GJB1: variants seen among roughly 807,000 people sequenced by gnomAD.
GJB1 encodes gap junction protein beta 1.
GJB1 carries 1 observed loss-of-function variant against 12.0 expected under a neutral mutation model. That is an observed-to-expected ratio of 0.08 (90% confidence interval 0.03 to 0.40). GJB1 has a LOEUF of 0.40. Among genes scored for constraint, GJB1 ranks in the 10% least tolerant of loss-of-function variants. The pLI, the probability that GJB1 is intolerant of heterozygous loss-of-function variation, is 0.98. For missense variants in GJB1, 140 were observed against 250.3 expected (o/e 0.56, Z 2.97); for synonymous variants, 114 against 102.8 (o/e 1.11, Z -0.66).
At chrX:71,219,773 C>CAAAAAA (rs41477550), upstream of GJB1, among the ~76,000 whole-genome samples, 1 of 22,056 alleles carries the variant, frequency 4.5e-5, no homozygotes, top group Non-Finnish European at 6.9e-5. Flanking sequence ...GACTCCCTCT[C>CAAAAAA]AAAAAAAAAA....
At position 71,223,698 on chromosome X, in the gene GJB1, A is replaced by T; in HGVS notation, c.-10A>T. The T allele has an allele frequency of 8.3e-7, 1 of 1,209,836 alleles. No individual in the cohort carries two copies. The highest frequency in any genetic ancestry group is 1.1e-6 in the Non-Finnish European group (1 of 894,856). ...CATGGCTGGTGTTTTGCAGGTGTGA[A>T]TGAGGCAGGATGAACTGGACAGGTT... On this transcript the variant is annotated 5_prime_UTR_variant, in exon 2 of 2. An upstream start codon of the reference 5' UTR is lost. Transcript: ENST00000361726.
upstream of GJB1, among the ~76,000 whole-genome samples, chrX:71,220,730 C>T (rs1262272396): frequency 1.0e-5 from 1 of 97,956 alleles, no homozygotes; most frequent in Non-Finnish European, 2.0e-5. Flanking sequence ...TGGACTTGAA[C>T]CCCTCAGTGA....
In GJB1 at chrX:71,224,855, A is replaced by T; in HGVS notation, c.*296A>T. 4 of 410,776 alleles carry T rather than the reference A, an allele frequency of 9.7e-6. No individual in the cohort carries two copies. The highest frequency in any genetic ancestry group is 1.8e-5 in the Non-Finnish European group (4 of 227,022). The allele number at this position is 410,776 out of a possible 1,213,427, so 33.9% of individuals were successfully genotyped here. A position where few individuals can be genotyped will look rare whatever the true frequency, so the allele number is the denominator to read the frequency against. On this transcript the variant is annotated 3_prime_UTR_variant, in exon 2 of 2. Coordinates refer to ENST00000361726, the MANE Select transcript of GJB1 (RefSeq NM_000166.6). ...GGGACCACTGGGTACAAGAGATGGGATGCTCCGACAGCGTCTCCAATTATG... is the reference window on the plus strand; with the variant it reads ...GGGACCACTGGGTACAAGAGATGGGTTGCTCCGACAGCGTCTCCAATTATG...
Position 71,224,406 on chromosome X carries a change from G to T in GJB1, c.699G>T (p.Ser233=), listed in dbSNP as rs769112084. The change falls in exon 2 of 2, where the codon TCG becomes TCT. Residue 233 remains serine, a synonymous_variant. Transcript: ENST00000361726. ...RRSNPPSRKG[S]GFGHRLSPEY... ...CCAATCCACCTTCCCGCAAGGGCTC[G>T]GGCTTCGGCCACCGCCTCTCACCTG... is the stretch of plus-strand genomic sequence containing the variant. The T allele has an allele frequency of 8.3e-7, 1 of 1,210,232 alleles. No individual in the cohort carries two copies. The highest frequency in any genetic ancestry group is 1.8e-5 in the South Asian group (1 of 56,730).
upstream of GJB1, among the ~76,000 whole-genome samples, chrX:71,221,176 T>A (rs1052690434): frequency 9.0e-6 from 1 of 111,350 alleles, no homozygotes; most frequent in Non-Finnish European, 1.9e-5. Context: ...GTGAGCCACC[T>A]TGCCCAGCCC....
exon 1 of GJB1, chrX:71,215,257 G>A (rs1434181094): frequency 8.9e-6 from 1 of 112,472 alleles, no homozygotes; most frequent in Non-Finnish European, 1.9e-5. Context: ...TCTGGGAAAG[G>A]GCAGCAGCAG....
upstream of GJB1, among the ~76,000 whole-genome samples, chrX:71,222,400 G>A (rs930836877): frequency 1.0e-4 from 11 of 109,030 alleles, no homozygotes; most frequent in African/African-American, 3.0e-4. Context: ...CACCACACAC[G>A]GCTAATTTTT....
At chrX:71,222,934 C>A (rs1227989246), upstream of GJB1, among the ~76,000 whole-genome samples, 2 of 111,004 alleles carry the variant, frequency 1.8e-5, no homozygotes, top group East Asian at 5.7e-4. Context: ...CCTCTGGGTC[C>A]CCTGGGGTCC....
chrX:71,222,024 C>T (rs1266885197), upstream of GJB1, among the ~76,000 whole-genome samples: 1 of 110,126 alleles, frequency 9.1e-6, no homozygotes, highest in Non-Finnish European at 1.9e-5. Flanking sequence ...TACCTGTGGT[C>T]CCAGCTAATT....
chrX:71,216,030 C>A (rs959526026), intron 1 of GJB1, among the ~76,000 whole-genome samples: 3 of 110,211 alleles, frequency 2.7e-5, no homozygotes, highest in Non-Finnish European at 5.7e-5. Context: ...CACCACCATG[C>A]CTGGCTAATT....
upstream of GJB1, among the ~76,000 whole-genome samples, chrX:71,220,164 TGAGACAGCCGGC>T (rs2092534224): frequency 5.7e-5 from 4 of 69,667 alleles, no homozygotes; most frequent in Admixed American, 1.7e-4. Context: ...TTTTTTTTTT[TGAGACAGCCGGC>T]TAATTTGAGA....
upstream of GJB1, among the ~76,000 whole-genome samples, chrX:71,218,245 G>A (rs1369599579): frequency 1.8e-5 from 2 of 108,282 alleles, no homozygotes; most frequent in East Asian, 5.8e-4. Flanking sequence ...TGAGCAGAGA[G>A]CGTGCCACTG....
upstream of GJB1, among the ~76,000 whole-genome samples, chrX:71,220,754 G>A (rs1210026404): frequency 9.2e-6 from 1 of 108,684 alleles, no homozygotes; most frequent in Non-Finnish European, 1.9e-5. Flanking sequence ...GCCCGCCTAA[G>A]CCTCCCAAAG....
upstream of GJB1, among the ~76,000 whole-genome samples, chrX:71,218,885 CAAA>C (rs748016562): frequency 1.2e-5 from 1 of 84,302 alleles, no homozygotes; most frequent in African/African-American, 4.4e-5. Flanking sequence ...GACTCCGTCT[CAAA>C]AAAAAAAAAA....
At chrX:71,220,259 T>C (rs2092534528), upstream of GJB1, among the ~76,000 whole-genome samples, 1 of 97,404 alleles carries the variant, frequency 1.0e-5, no homozygotes, top group South Asian at 5.7e-4. Flanking sequence ...CTCGATCTCC[T>C]GACCTCGTGA....
upstream of GJB1, chrX:71,222,765 A>G (rs2092540083): frequency 9.0e-6 from 1 of 110,952 alleles, no homozygotes; most frequent in South Asian, 3.8e-4. Context: ...GAAAGAAAAA[A>G]TGTATGGAAC....
chrX:71,216,385 T>C (rs1156321407), intron 1 of GJB1, among the ~76,000 whole-genome samples: 2 of 110,539 alleles, frequency 1.8e-5, no homozygotes, highest in African/African-American at 6.6e-5. Context: ...CGATTCCTAC[T>C]CTGAGCTCCA....
chrX:71,216,605 T>C (rs2092526203), intron 1 of GJB1, among the ~76,000 whole-genome samples: 2 of 106,979 alleles, frequency 1.9e-5, no homozygotes, highest in African/African-American at 3.4e-5. Context: ...GATGGAGGAG[T>C]AAGGGAGTAG....
At position 71,224,804 on chromosome X, in the gene GJB1, C is replaced by T. The variant is rs2092547682; in HGVS notation, c.*245C>T. On this transcript the variant is annotated 3_prime_UTR_variant, in exon 2 of 2. Transcript: ENST00000361726. Reference sequence around the variant, plus strand: ...GTGGGCTGCCCTTGTTGCCTGCACCCTTCCCTCTTCCCTCTCCCTCTCTCT... The same window carrying T: ...GTGGGCTGCCCTTGTTGCCTGCACCTTTCCCTCTTCCCTCTCCCTCTCTCT... The T allele has an allele frequency of 6.8e-6, 3 of 440,923 alleles. No individual in the cohort carries two copies. The highest frequency in any genetic ancestry group is 5.0e-5 in the African/African-American group (2 of 40,249). The allele number at this position is 440,923 out of a possible 1,213,427, so 36.3% of individuals were successfully genotyped here.
Sources: allele counts gnomAD v4.1 joint callset (sites outside exome capture counted in the v4.1 genomes callset), GRCh38; gene constraint gnomAD v4.1.1; transcripts MANE v1.5; gene names NCBI Gene and HGNC (gene_info 2026-07-23, HGNC 2026-07-21).